The following MCTP1 variants were observed in gnomAD, a reference collection of about 807,000 sequenced individuals.
MCTP1 encodes multiple C2 and transmembrane domain-containing protein 1.
MCTP1 carries 69 observed loss-of-function variants against 120.6 expected under a neutral mutation model. The observed-to-expected ratio is 0.57, with a 90% CI of 0.47 to 0.70. The LOEUF is 0.70. MCTP1 is among the 30% of genes least tolerant of loss of function. The pLI, the probability that MCTP1 is intolerant of heterozygous loss-of-function variation, is 0.00. For missense variants in MCTP1, 1,203 were observed against 1,248.8 expected (o/e 0.96, Z 0.55); for synonymous variants, 529 against 493.1 (o/e 1.07, Z -0.96).
At chr5:95,199,056 T>C (rs1237137320) in intron 1 of MCTP1, among the ~76,000 whole-genome samples, 1 of 152,224 alleles carries the variant, frequency 6.6e-6, no homozygotes, top group Non-Finnish European at 1.5e-5. Context: ...TTATAGTTTT[T>C]GAACGTAGAT....
intron 4 of MCTP1, 132 bp downstream of exon 4, chr5:94,942,216 G>A: frequency 1.7e-6 from 1 of 604,062 alleles, no homozygotes; most frequent in South Asian, 2.0e-5. Context: ...AGATGGATTT[G>A]AGAAAGGCTG....
intron 1 of MCTP1, among the ~76,000 whole-genome samples, chr5:95,109,944 C>G (rs1028105338): frequency 6.6e-6 from 1 of 152,188 alleles, no homozygotes; most frequent in East Asian, 1.9e-4. Flanking sequence ...CCCAACAGAA[C>G]AATTCCTAGA....
At chr5:95,038,444 A>G (rs1278065723) in intron 1 of MCTP1, among the ~76,000 whole-genome samples, 2 of 152,348 alleles carry the variant, frequency 1.3e-5, no homozygotes, top group East Asian at 3.9e-4. Context: ...AGACAAATCT[A>G]TAGTGCAGAA....
chr5:94,958,839 T>C lies in MCTP1; in HGVS notation c.839-5478A>G, dbSNP rs561794864. ...ATTCACAGCTGAATTCTACCAGAGGTACAAAGAGGAGCTGGTAACCATTCC... is the reference window on the plus strand; with the variant it reads ...ATTCACAGCTGAATTCTACCAGAGGCACAAAGAGGAGCTGGTAACCATTCC... On this transcript the variant is annotated intron_variant, in intron 2 of 22. Transcript: ENST00000515393. Among the ~76,000 whole-genome samples, 3 of 152,086 alleles carry C rather than the reference T, an allele frequency of 2.0e-5. No homozygotes were observed. The South Asian group carries it at 6.2e-4, about 32-fold the overall frequency.
At chr5:94,851,321 T>C (rs1379412178) in intron 17 of MCTP1, among the ~76,000 whole-genome samples, 1 of 152,092 alleles carries the variant, frequency 6.6e-6, no homozygotes, top group African/African-American at 2.4e-5. Context: ...TGTCACTCCA[T>C]ATGCACAAAT....
chr5:94,962,632 A>T (rs1417666261), intron 2 of MCTP1, among the ~76,000 whole-genome samples: 1 of 151,946 alleles, frequency 6.6e-6, no homozygotes, highest in African/African-American at 2.4e-5. Context: ...TGGAAAACCA[A>T]ATATCGTATG....
intron 17 of MCTP1, among the ~76,000 whole-genome samples, chr5:94,856,082 A>G (rs1048777177): frequency 3.3e-5 from 5 of 151,744 alleles, no homozygotes; most frequent in Non-Finnish European, 5.9e-5. Context: ...TTATGCTGTT[A>G]ATCGTTACCT....
chr5:95,281,956 G>A (rs920815252), intron 1 of MCTP1, among the ~76,000 whole-genome samples: 1 of 152,200 alleles, frequency 6.6e-6, no homozygotes, highest in Non-Finnish European at 1.5e-5. Flanking sequence ...AAAAGATTCT[G>A]GAGACTGACT....
At chr5:94,755,888 C>T (rs542541199) in intron 19 of MCTP1, among the ~76,000 whole-genome samples, 1 of 152,306 alleles carries the variant, frequency 6.6e-6, no homozygotes, top group East Asian at 1.9e-4. Context: ...CTTCTACCAT[C>T]TGCTAGAATA....
rs79482880 is a variant in MCTP1, at chr5:95,278,169, T to C, written c.720+5687A>G. Among the ~76,000 whole-genome samples the C allele has an allele frequency of 1.0e-2, 1,515 of 152,126 alleles. 26 individuals carry two copies. The highest frequency in any genetic ancestry group is 0.034 in the African/African-American group (1,408 of 41,478). ...GTATTTGGATAAAATATTGAATTGT[T>C]AGGGATAAACTTCTCACCTCTGATT... On this transcript the variant is annotated intron_variant, in intron 1 of 22. Coordinates refer to ENST00000515393, the MANE Select transcript of MCTP1 (RefSeq NM_024717.7).
At chr5:95,008,991 T>C (rs1223356772) in intron 2 of MCTP1, among the ~76,000 whole-genome samples, 1 of 151,236 alleles carries the variant, frequency 6.6e-6, no homozygotes, top group Non-Finnish European at 1.5e-5. Context: ...ATCATATCAC[T>C]GCACTCCAGC....
chr5:94,788,678 C>T (rs1224130725), intron 18 of MCTP1: 8 of 152,152 alleles, frequency 5.3e-5, no homozygotes, highest in African/African-American at 1.7e-4. Flanking sequence ...CTTTTTCTCC[C>T]TCCCTCCCTC....
At chr5:94,870,643 G>A (rs888539219) in intron 15 of MCTP1, 152 bp from the exon 16 acceptor site, 54 of 686,774 alleles carry the variant, frequency 7.9e-5, no homozygotes, top group South Asian at 3.8e-4. Context: ...ACATGCATGC[G>A]CTTCCCTTTC....
intron 1 of MCTP1, among the ~76,000 whole-genome samples, chr5:95,176,726 G>A (rs1485514060): frequency 1.3e-5 from 2 of 152,082 alleles, no homozygotes; most frequent in East Asian, 3.9e-4. Context: ...GTGCATGCCT[G>A]TAATGTCTGT....
At chr5:95,130,168 C>T (rs550428533) in intron 1 of MCTP1, among the ~76,000 whole-genome samples, 2 of 152,334 alleles carry the variant, frequency 1.3e-5, no homozygotes, top group East Asian at 3.9e-4. Context: ...GACAACTTCT[C>T]AGCTTCCATA....
chr5:94,862,722 C>T (rs138422984), intron 17 of MCTP1, among the ~76,000 whole-genome samples: 2 of 151,740 alleles, frequency 1.3e-5, no homozygotes, highest in African/African-American at 4.8e-5. Context: ...CTATGAAAGG[C>T]AATGCTTAGG....
intron 1 of MCTP1, among the ~76,000 whole-genome samples, chr5:95,020,900 C>T (rs1838080707): frequency 6.6e-6 from 1 of 151,986 alleles, no homozygotes; most frequent in Non-Finnish European, 1.5e-5. Flanking sequence ...TTTCTGAAGT[C>T]CCCATGATCT....
chr5:95,179,953 T>C (rs1192373006), intron 1 of MCTP1, among the ~76,000 whole-genome samples: 1 of 152,160 alleles, frequency 6.6e-6, no homozygotes, highest in Non-Finnish European at 1.5e-5. Flanking sequence ...TAGAAAAAGA[T>C]ATTCCATTCA....
intron 19 of MCTP1, among the ~76,000 whole-genome samples, chr5:94,763,275 CTA>C: frequency 6.6e-6 from 1 of 152,308 alleles, no homozygotes; most frequent in South Asian, 2.1e-4. Context: ...TTAAAATTGT[CTA>C]TGATTCCTCA....
Sources: gnomAD v4.1 joint callset for allele counts (sites outside exome capture counted in the v4.1 genomes callset) on GRCh38, gnomAD v4.1.1 for gene constraint, MANE v1.5 for transcripts, NCBI Gene and HGNC (gene_info 2026-07-23, HGNC 2026-07-21) for gene names.